Variants in ZBTB20 observed in about 807,000 individuals in gnomAD.
ZBTB20 encodes zinc finger and BTB domain-containing protein 20.
A neutral mutation model predicts 56.9 loss-of-function variants in ZBTB20; 9 were observed. That is an observed-to-expected ratio of 0.16 (90% CI 0.10 to 0.28). ZBTB20 has a LOEUF of 0.28. Among genes scored for constraint, ZBTB20 ranks in the 10% least tolerant of loss-of-function variants. The probability of loss-of-function intolerance (pLI) is 1.00; values close to 1 mark genes in which losing one functional copy is unlikely to be tolerated. For missense variants in ZBTB20, 655 were observed against 1,003.0 expected (o/e 0.65, Z 4.69); for synonymous variants, 417 against 420.7 (o/e 0.99, Z 0.11).
chr3:114,828,429 C>T (rs183543922), intron 4 of ZBTB20, among the ~76,000 whole-genome samples: 1,756 of 151,774 alleles, frequency 0.012, 16 homozygotes, highest in South Asian at 0.042. Context: ...TAATGATAAT[C>T]GCTTTTTATA....
chr3:114,676,879 A>G (rs778063729), intron 6 of ZBTB20, among the ~76,000 whole-genome samples: 2 of 149,892 alleles, frequency 1.3e-5, no homozygotes, highest in Admixed American at 6.7e-5. Context: ...GGTTCAAGCG[A>G]TTCTCCTGCC....
At chr3:114,734,965 A>C (rs1275092505) in intron 5 of ZBTB20, among the ~76,000 whole-genome samples, 4 of 151,876 alleles carry the variant, frequency 2.6e-5, no homozygotes, top group Non-Finnish European at 5.9e-5. Flanking sequence ...GAGAAAACTT[A>C]TGCAGATATG....
At chr3:115,074,329 C>G (rs900251008) in intron 1 of ZBTB20, among the ~76,000 whole-genome samples, 1 of 152,122 alleles carries the variant, frequency 6.6e-6, no homozygotes, top group Non-Finnish European at 1.5e-5. Flanking sequence ...GTTCCAGACT[C>G]CAAACTTGAT....
intron 6 of ZBTB20, among the ~76,000 whole-genome samples, chr3:114,627,147 T>C (rs1314549427): frequency 2.6e-5 from 4 of 152,210 alleles, no homozygotes; most frequent in Non-Finnish European, 5.9e-5. Context: ...TTGTATATAA[T>C]CACTTTTCAT....
chr3:114,581,227 G>T (rs1374479856), intron 6 of ZBTB20, among the ~76,000 whole-genome samples: 2 of 151,800 alleles, frequency 1.3e-5, no homozygotes, highest in African/African-American at 4.8e-5. Flanking sequence ...TATGGAAAAA[G>T]AATAAAATAG....
intron 2 of ZBTB20, among the ~76,000 whole-genome samples, chr3:115,032,438 AATATT>A (rs2080725051): frequency 6.6e-6 from 1 of 151,508 alleles, no homozygotes; most frequent in Admixed American, 6.6e-5. Flanking sequence ...AATTGAATAA[AATATT>A]ATAGATATTT....
At chr3:115,061,863 A>G (rs1471953254) in intron 2 of ZBTB20, among the ~76,000 whole-genome samples, 2 of 152,198 alleles carry the variant, frequency 1.3e-5, no homozygotes, top group African/African-American at 4.8e-5. Context: ...CAGTGTGATT[A>G]TATCTGAGTA....
chr3:114,791,427 T>C (rs2070949498), intron 5 of ZBTB20, among the ~76,000 whole-genome samples: 1 of 152,146 alleles, frequency 6.6e-6, no homozygotes. Context: ...GAGATGAGTG[T>C]AGGTTAACTA....
intron 5 of ZBTB20, among the ~76,000 whole-genome samples, chr3:114,766,489 A>G (rs1425059797): frequency 7.2e-6 from 1 of 138,996 alleles, no homozygotes; most frequent in Non-Finnish European, 1.6e-5. Context: ...TGGGATGGAA[A>G]TGTGTGTGTG....
At chr3:114,921,440 G>A (rs1196440840) in intron 3 of ZBTB20, among the ~76,000 whole-genome samples, 1 of 151,998 alleles carries the variant, frequency 6.6e-6, no homozygotes, top group African/African-American at 2.4e-5. Flanking sequence ...TAGATGTCTT[G>A]ATGAGCGGAT....
rs556269464 is a variant in ZBTB20, at chr3:114,809,628, C to T, written c.-416-8454G>A. Among the ~76,000 whole-genome samples, 7 of 152,042 alleles carry T rather than the reference C, an allele frequency of 4.6e-5. No homozygotes were observed. The South Asian group carries it at 1.5e-3, about 32-fold the overall frequency. On this transcript the variant is annotated intron_variant, in intron 4 of 11. Transcript: ENST00000675478. ...TATTTTGAACATATTTATAATAGTG[C>T]TTTCAACTCTTTGTTTGCTAAGTTT...
chr3:114,726,171 T>C (rs1397526296), intron 5 of ZBTB20, among the ~76,000 whole-genome samples: 2 of 152,044 alleles, frequency 1.3e-5, no homozygotes, highest in Non-Finnish European at 2.9e-5. Flanking sequence ...GACATTTGAA[T>C]GGATAATGCA....
chr3:114,980,112 TTTAC>T (rs1277459281), intron 2 of ZBTB20, among the ~76,000 whole-genome samples: 2 of 152,060 alleles, frequency 1.3e-5, no homozygotes, highest in African/African-American at 4.8e-5. Flanking sequence ...AATTTTTTTC[TTTAC>T]TTGTCTGTTT....
intron 11 of ZBTB20, among the ~76,000 whole-genome samples, chr3:114,343,058 C>A (rs896584429): frequency 2.0e-5 from 3 of 151,088 alleles, no homozygotes. Flanking sequence ...TAAAAGTATA[C>A]GTTTTTCTCA....
chr3:114,463,331 C>T (rs1168717953), intron 7 of ZBTB20, among the ~76,000 whole-genome samples: 2 of 152,122 alleles, frequency 1.3e-5, no homozygotes, highest in Admixed American at 6.5e-5. Flanking sequence ...TAGACATCTA[C>T]GTTGTATATG....
intron 5 of ZBTB20, among the ~76,000 whole-genome samples, chr3:114,798,088 C>T (rs1046147663): frequency 1.3e-5 from 2 of 151,682 alleles, no homozygotes; most frequent in African/African-American, 4.8e-5. Context: ...ATGGAAATGA[C>T]CCCTGGCAAC....
At chr3:114,834,582 T>G (rs2074024556) in intron 4 of ZBTB20, among the ~76,000 whole-genome samples, 1 of 152,180 alleles carries the variant, frequency 6.6e-6, no homozygotes, top group African/African-American at 2.4e-5. Flanking sequence ...CTAAAATATT[T>G]TATTTTAGGC....
chr3:114,638,276 A>C (rs1383523225), intron 6 of ZBTB20, among the ~76,000 whole-genome samples: 4 of 152,012 alleles, frequency 2.6e-5, no homozygotes, highest in African/African-American at 9.7e-5. Flanking sequence ...GAACATAGAC[A>C]TGATGCTTGG....
At chr3:115,027,857 T>A (rs2080489101) in intron 2 of ZBTB20, among the ~76,000 whole-genome samples, 1 of 150,740 alleles carries the variant, frequency 6.6e-6, no homozygotes, top group Admixed American at 6.6e-5. Flanking sequence ...ATTTAAAAAT[T>A]AATTAAGAAA....
Sources: gnomAD v4.1 joint callset for allele counts (sites outside exome capture counted in the v4.1 genomes callset) on GRCh38, gnomAD v4.1.1 for gene constraint, MANE v1.5 for transcripts, NCBI Gene and HGNC (gene_info 2026-07-23, HGNC 2026-07-21) for gene names.